The following VTI1A variants were observed in gnomAD, a reference collection of about 807,000 sequenced individuals.
VTI1A encodes the protein vesicle transport through interaction with t-SNAREs homolog 1A.
In VTI1A, 22 loss-of-function variants were observed where a neutral mutation model predicts 34.9. The ratio of observed to expected loss-of-function variants is 0.63; its 90% CI spans 0.45 to 0.90. The LOEUF (loss-of-function observed/expected upper bound fraction) is 0.90. Ranked by LOEUF, VTI1A falls within the 40% of genes least tolerant of loss-of-function variation. VTI1A has a pLI of 0.00. For synonymous variants in VTI1A, 87 were observed against 97.3 expected (o/e 0.89, Z 0.62); for missense variants, 268 against 275.6 (o/e 0.97, Z 0.20).
intron 5 of VTI1A, among the ~76,000 whole-genome samples, chr10:112,624,877 A>G (rs1845863272): frequency 6.6e-6 from 1 of 152,106 alleles, no homozygotes; most frequent in Admixed American, 6.6e-5. Context: ...CAGGAGAATC[A>G]CTTGAGGCTG....
chr10:112,819,411 G>A (rs559326700), downstream of VTI1A, among the ~76,000 whole-genome samples: 1 of 152,182 alleles, frequency 6.6e-6, no homozygotes, highest in African/African-American at 2.4e-5. Flanking sequence ...GTGAGTCCCT[G>A]GTCTCCAAGC....
At chr10:112,678,358 C>T (rs1014574217) in intron 7 of VTI1A, among the ~76,000 whole-genome samples, 2 of 152,146 alleles carry the variant, frequency 1.3e-5, no homozygotes, top group Non-Finnish European at 2.9e-5. Context: ...CTAGGCCTTC[C>T]TTATAAACAA....
At chr10:112,776,163 G>C (rs889075706) in intron 7 of VTI1A, among the ~76,000 whole-genome samples, 1 of 152,152 alleles carries the variant, frequency 6.6e-6, no homozygotes, top group East Asian at 1.9e-4. Flanking sequence ...GCATTCACTC[G>C]AGGAGTAAGA....
At chr10:112,721,533 C>T (rs12783142) in intron 7 of VTI1A, among the ~76,000 whole-genome samples, 25,007 of 152,114 alleles carry the variant, frequency 0.16, 2,235 homozygotes, top group Middle Eastern at 0.23. Context: ...TTTTTATGTA[C>T]TTTTAATACT....
At chr10:112,768,086 G>A (rs550047992) in intron 7 of VTI1A, among the ~76,000 whole-genome samples, 3 of 152,262 alleles carry the variant, frequency 2.0e-5, no homozygotes, top group Non-Finnish European at 2.9e-5. Flanking sequence ...TCCCTGCCCC[G>A]CATATTCCAC....
At chr10:112,737,410 T>TA in intron 7 of VTI1A, 1 of 1,034,162 alleles carries the variant, frequency 9.7e-7, no homozygotes, top group Non-Finnish European at 1.2e-6. Context: ...AGAAGATAAT[T>TA]AAAAAATGAC....
At chr10:112,623,608 A>G (rs1845815074) in intron 5 of VTI1A, among the ~76,000 whole-genome samples, 1 of 152,110 alleles carries the variant, frequency 6.6e-6, no homozygotes. Flanking sequence ...TCTCCCCAAC[A>G]GGTCTTAGAA....
chr10:112,821,955 C>T (rs948655524), downstream of VTI1A, among the ~76,000 whole-genome samples: 5 of 152,180 alleles, frequency 3.3e-5, no homozygotes, highest in Non-Finnish European at 7.3e-5. Context: ...GCCTGAAACC[C>T]CACCCCTAGA....
chr10:112,472,624 C>T (rs1170113367), intron 3 of VTI1A, among the ~76,000 whole-genome samples: 5 of 151,116 alleles, frequency 3.3e-5, no homozygotes, highest in South Asian at 2.1e-4. Context: ...AGGTCAAGAA[C>T]GTATGCTTCT....
intron 5 of VTI1A, among the ~76,000 whole-genome samples, chr10:112,549,543 A>T (rs1851266519): frequency 6.6e-6 from 1 of 152,246 alleles, no homozygotes; most frequent in South Asian, 2.1e-4. Flanking sequence ...AGAAGATAGG[A>T]TTCTACAGTT....
chr10:112,540,744 T>C (rs1179106980), intron 5 of VTI1A, among the ~76,000 whole-genome samples: 2 of 152,214 alleles, frequency 1.3e-5, no homozygotes, highest in Non-Finnish European at 2.9e-5. Flanking sequence ...GTGTTTTGAC[T>C]GTGATGTAAA....
chr10:112,569,890 A>T (rs989607980), intron 5 of VTI1A, among the ~76,000 whole-genome samples: 1 of 152,248 alleles, frequency 6.6e-6, no homozygotes, highest in African/African-American at 2.4e-5. Context: ...TATGAAGCTA[A>T]TAGGAACCTA....
At chr10:112,733,144 AG>A (rs1248302472) in intron 7 of VTI1A, among the ~76,000 whole-genome samples, 1 of 152,148 alleles carries the variant, frequency 6.6e-6, no homozygotes, top group African/African-American at 2.4e-5. Context: ...CTGGAATACA[AG>A]GCTTTTTGGG....
At chr10:112,675,865 T>C (rs982635515) in intron 7 of VTI1A, among the ~76,000 whole-genome samples, 3 of 152,204 alleles carry the variant, frequency 2.0e-5, no homozygotes, top group African/African-American at 7.2e-5. Context: ...TTTTAGCTAG[T>C]AACCTTTGGC....
chr10:112,808,891 C>T (rs1853188268), intron 7 of VTI1A, among the ~76,000 whole-genome samples: 1 of 152,194 alleles, frequency 6.6e-6, no homozygotes, highest in South Asian at 2.1e-4. Context: ...GCTCCAGGTT[C>T]TCACTGTCCT....
chr10:112,545,500 C>G (rs1441072721), intron 5 of VTI1A, among the ~76,000 whole-genome samples: 2 of 152,036 alleles, frequency 1.3e-5, no homozygotes, highest in Non-Finnish European at 2.9e-5. Context: ...TTTTTTCTGT[C>G]TAATCATTTT....
At chr10:112,778,587 A>G (rs1361463396) in intron 7 of VTI1A, among the ~76,000 whole-genome samples, 2 of 152,190 alleles carry the variant, frequency 1.3e-5, no homozygotes, top group African/African-American at 4.8e-5. Context: ...TGGCAAATCT[A>G]TGGCAAAGGT....
chr10:112,647,156 A>C lies in VTI1A; in HGVS notation c.428-21062A>C, dbSNP rs370637513. Among the ~76,000 whole-genome samples, 118 of 152,334 alleles carry C rather than the reference A, an allele frequency of 7.7e-4. 4 individuals are homozygous for C. The South Asian group carries it at 0.022, about 28-fold the overall frequency. On this transcript the variant is annotated intron_variant, in intron 5 of 7. Coordinates refer to ENST00000393077, the MANE Select transcript of VTI1A (RefSeq NM_145206.4). ...CCATGGGATAAATGAAAGTTACTTT[A>C]AAACTTTTTCTTTACTTCCATGGGC...
At chr10:112,635,047 G>T (rs1404209021) in intron 5 of VTI1A, among the ~76,000 whole-genome samples, 1 of 152,170 alleles carries the variant, frequency 6.6e-6, no homozygotes, top group South Asian at 2.1e-4. Flanking sequence ...GACATTTGCC[G>T]GAGTTTTCAC....
Sources: gnomAD v4.1 joint callset for allele counts (sites outside exome capture counted in the v4.1 genomes callset) on GRCh38, gnomAD v4.1.1 for gene constraint, MANE v1.5 for transcripts, NCBI Gene and HGNC (gene_info 2026-07-23, HGNC 2026-07-21) for gene names.